CCDC158: variants seen among roughly 807,000 people sequenced by gnomAD.
CCDC158 encodes coiled-coil domain-containing protein 158.
Under a neutral mutation model 138.6 loss-of-function variants are expected in CCDC158, and 116 were observed. The observed-to-expected ratio is 0.84, with a 90% CI of 0.72 to 0.98. The LOEUF (loss-of-function observed/expected upper bound fraction) is 0.98, where lower values mean the gene tolerates loss of function less well. Ranked by LOEUF, CCDC158 falls within the 50% of genes least tolerant of loss-of-function variation. The pLI is 0.00. For missense variants in CCDC158, 1,265 were observed against 1,306.1 expected (o/e 0.97, Z 0.48); for synonymous variants, 436 against 442.4 (o/e 0.99, Z 0.18).
chr4:76,353,863 G>A (rs553091382), intron 15 of CCDC158, among the ~76,000 whole-genome samples: 10 of 152,018 alleles, frequency 6.6e-5, no homozygotes, highest in East Asian at 5.8e-4. Flanking sequence ...CCAAAAAAGC[G>A]CCATGGAATA....
chr4:76,351,181 G>A, intron 17 of CCDC158, 60 bp from the exon 18 acceptor site: 1 of 1,476,742 alleles, frequency 6.8e-7, no homozygotes, highest in Non-Finnish European at 9.1e-7. Flanking sequence ...AAAGAAATGT[G>A]AAATCAAAAT....
intron 4 of CCDC158, among the ~76,000 whole-genome samples, chr4:76,391,864 A>G (rs1446423630): frequency 6.6e-6 from 1 of 152,154 alleles, no homozygotes; most frequent in East Asian, 1.9e-4. Context: ...AATTCAAAGG[A>G]TAATTTGTGG....
chr4:76,322,076 C>A (rs1167228961), intron 24 of CCDC158, among the ~76,000 whole-genome samples: 1 of 151,740 alleles, frequency 6.6e-6, no homozygotes, highest in Non-Finnish European at 1.5e-5. Context: ...ACCAAAATCT[C>A]AGAAATCACC....
intron 20 of CCDC158, among the ~76,000 whole-genome samples, chr4:76,331,987 C>G (rs1411517166): frequency 6.6e-6 from 1 of 152,040 alleles, no homozygotes; most frequent in Non-Finnish European, 1.5e-5. Flanking sequence ...TTTCTTTGTG[C>G]TTTTAAAATT....
intron 1 of CCDC158, among the ~76,000 whole-genome samples, chr4:76,416,772 T>C (rs553972674): frequency 6.6e-6 from 1 of 152,318 alleles, no homozygotes; most frequent in Non-Finnish European, 1.5e-5. Flanking sequence ...AACCTCTGCC[T>C]AGATGTCAGA....
chr4:76,313,060 T>C lies in CCDC158; in HGVS notation c.*110A>G, dbSNP rs1394693492. 1.4e-5 allele frequency: 9 copies of C among 623,816 alleles called. No individual in the cohort carries two copies. Among genetic ancestry groups the C allele is most frequent in the Non-Finnish European group, 5.5e-6 (2 of 362,148 alleles). 38.6% of individuals were successfully genotyped at this position (623,816 alleles called of 1,614,324 possible). ...AAAATAGAGTTTACAAGACAGGGTA[T>C]CTTTTATTAAATTTTCACATAAAAA... On this transcript the variant is annotated 3_prime_UTR_variant, in exon 25 of 25. Transcript: ENST00000682701.
At chr4:76,359,103 T>C (rs1005418023) in intron 13 of CCDC158, among the ~76,000 whole-genome samples, 41 of 152,074 alleles carry the variant, frequency 2.7e-4, no homozygotes, top group African/African-American at 9.4e-4. Flanking sequence ...CTCTTCTCTC[T>C]CTCTCTCTCT....
intron 3 of CCDC158, among the ~76,000 whole-genome samples, chr4:76,396,933 G>C (rs10013314): frequency 0.029 from 4,470 of 152,200 alleles, 215 homozygotes; most frequent in African/African-American, 0.1. Context: ...GGGAAAATAC[G>C]CATGTGAAAG....
At chr4:76,396,123 C>T in intron 4 of CCDC158, 146 bp downstream of exon 4, 1 of 477,962 alleles carries the variant, frequency 2.1e-6, no homozygotes, top group Non-Finnish European at 3.6e-6. Context: ...AAATAGAAGG[C>T]ACAGGTCAAA....
At chr4:76,414,426 G>A (rs1040918502) in intron 1 of CCDC158, 2 of 152,054 alleles carry the variant, frequency 1.3e-5, no homozygotes, top group Non-Finnish European at 2.9e-5. Flanking sequence ...ATTCCAATGG[G>A]GAAAGAAAGG....
At chr4:76,387,010 A>G (rs1726859543) in intron 4 of CCDC158, among the ~76,000 whole-genome samples, 1 of 152,172 alleles carries the variant, frequency 6.6e-6, no homozygotes, top group Admixed American at 6.5e-5. Flanking sequence ...AAGGACTGCA[A>G]TTCTTAGGCA....
intron 2 of CCDC158, among the ~76,000 whole-genome samples, chr4:76,406,340 G>A (rs1728822685): frequency 6.6e-6 from 1 of 152,192 alleles, no homozygotes; most frequent in Admixed American, 6.5e-5. Flanking sequence ...TAAATCCACA[G>A]AAGATACGGT....
At position 76,421,051 on chromosome 4, in the gene CCDC158, G is replaced by T. The variant is rs1046210744; in HGVS notation, c.-203C>A. ...GCGGCCCCACCTACGTCGACCTGGC[G>T]GCTGGGACGGGGCGGCTCCCCACTC... On this transcript the variant is annotated 5_prime_UTR_variant, in exon 1 of 25. Transcript: ENST00000682701. Among the ~76,000 whole-genome samples, 3 of 151,910 alleles carry T rather than the reference G, an allele frequency of 2.0e-5. No homozygotes were observed. Among genetic ancestry groups the T allele is most frequent in the Admixed American group, 2.0e-4 (3 of 15,258 alleles).
chr4:76,356,690 AG>A (rs1183107339), intron 14 of CCDC158: 1 of 152,242 alleles, frequency 6.6e-6, no homozygotes, highest in Non-Finnish European at 1.5e-5. Context: ...TTCTAATTTT[AG>A]TATAAGTGCG....
At chr4:76,408,474 A>G (rs902612822) in intron 2 of CCDC158, among the ~76,000 whole-genome samples, 1 of 152,044 alleles carries the variant, frequency 6.6e-6, no homozygotes, top group Non-Finnish European at 1.5e-5. Context: ...GCTGAGAATG[A>G]TGGTTTCCAG....
chr4:76,396,264 C>T lies in CCDC158; in HGVS notation c.288+5G>A, dbSNP rs1727768435. The T allele has an allele frequency of 6.3e-7, 1 of 1,598,984 alleles. No individual in the cohort carries two copies. On this transcript the variant is annotated splice_donor_5th_base_variant and intron_variant, in intron 4 of 24. Transcript: ENST00000682701. ...CATCAGGTGCTAGAAGAGAAGGCAA[C>T]TCACTTCATTTAGTCTTCTCTGTAA...
At chr4:76,344,547 T>C (rs1489524967) in intron 18 of CCDC158, 3 of 995,850 alleles carry the variant, frequency 3.0e-6, no homozygotes, top group Non-Finnish European at 4.9e-6. Context: ...AGCTGATGAA[T>C]AGCTGACATC....
chr4:76,353,418 G>C (rs1026641014), intron 15 of CCDC158, 137 bp from the exon 16 acceptor site: 5 of 635,140 alleles, frequency 7.9e-6, no homozygotes, highest in African/African-American at 7.4e-5. Context: ...TTGCTTCTGA[G>C]TTGTGGTTGG....
At chr4:76,332,003 T>C (rs1285700316) in intron 20 of CCDC158, among the ~76,000 whole-genome samples, 1 of 152,214 alleles carries the variant, frequency 6.6e-6, no homozygotes, top group Non-Finnish European at 1.5e-5. Flanking sequence ...AAATTTTTCA[T>C]TTAAGAATTC....
Sources: allele counts gnomAD v4.1 joint callset (sites outside exome capture counted in the v4.1 genomes callset), GRCh38; gene constraint gnomAD v4.1.1; transcripts MANE v1.5; gene names NCBI Gene and HGNC (gene_info 2026-07-23, HGNC 2026-07-21).